Variants in CPEB3 observed in about 807,000 individuals in gnomAD.
CPEB3 encodes cytoplasmic polyadenylation element binding protein 3.
CPEB3 carries 20 observed loss-of-function variants against 67.2 expected under a neutral mutation model. The ratio of observed to expected loss-of-function variants is 0.30; its 90% CI spans 0.21 to 0.43. CPEB3 has a LOEUF of 0.43. Ranked by LOEUF, CPEB3 falls within the 20% of genes least tolerant of loss-of-function variation. The pLI, the probability that CPEB3 is intolerant of heterozygous loss-of-function variation, is 1.00. For synonymous variants in CPEB3, 376 were observed against 393.1 expected (o/e 0.96, Z 0.51); for missense variants, 746 against 968.6 (o/e 0.77, Z 3.05).
intron 1 of CPEB3, among the ~76,000 whole-genome samples, chr10:92,258,676 A>T (rs1235647870): frequency 2.7e-5 from 3 of 113,026 alleles, no homozygotes; most frequent in African/African-American, 6.7e-5. Flanking sequence ...ATATATATAT[A>T]TATTTCATGT....
intron 5 of CPEB3, among the ~76,000 whole-genome samples, chr10:92,143,904 G>A (rs1437739162): frequency 6.6e-6 from 1 of 152,120 alleles, no homozygotes; most frequent in African/African-American, 2.4e-5. Context: ...ACCACTTTTT[G>A]AGACTTTTCT....
chr10:92,278,278 G>A (rs1564928553), intron 1 of CPEB3, among the ~76,000 whole-genome samples: 1 of 152,116 alleles, frequency 6.6e-6, no homozygotes, highest in Non-Finnish European at 1.5e-5. Context: ...AAAGAAGTCA[G>A]ATGGAATTTT....
chr10:92,078,009 G>A (rs1843001880), intron 9 of CPEB3, among the ~76,000 whole-genome samples: 1 of 152,160 alleles, frequency 6.6e-6, no homozygotes, highest in African/African-American at 2.4e-5. Flanking sequence ...AATATCACAT[G>A]GAAGTAGCAT....
chr10:92,059,309 A>G (rs1284696744), intron 9 of CPEB3, among the ~76,000 whole-genome samples: 1 of 84,402 alleles, frequency 1.2e-5, no homozygotes, highest in Non-Finnish European at 2.5e-5. Flanking sequence ...CCTGGGTGAC[A>G]AAAGTGAAAC....
At chr10:92,101,866 C>G (rs373401631) in intron 7 of CPEB3, among the ~76,000 whole-genome samples, 3 of 152,138 alleles carry the variant, frequency 2.0e-5, no homozygotes. Context: ...CGAGATTATG[C>G]CACTGCATTC....
chr10:92,091,473 A>G (rs1429515451), intron 8 of CPEB3, among the ~76,000 whole-genome samples: 2 of 152,078 alleles, frequency 1.3e-5, no homozygotes, highest in Non-Finnish European at 2.9e-5. Context: ...AAAAAAAAAA[A>G]CCAACAGGGA....
At chr10:92,197,952 C>T (rs1258809205) in intron 2 of CPEB3, among the ~76,000 whole-genome samples, 1 of 151,976 alleles carries the variant, frequency 6.6e-6, no homozygotes, top group Non-Finnish European at 1.5e-5. Flanking sequence ...ACTAAAACTA[C>T]AAAAATTAGC....
intron 7 of CPEB3, among the ~76,000 whole-genome samples, chr10:92,102,495 C>T (rs551364696): frequency 9.2e-5 from 14 of 152,300 alleles, no homozygotes; most frequent in African/African-American, 3.4e-4. Flanking sequence ...CTCCTGCCCC[C>T]ATCACCAGGC....
At chr10:92,091,462 T>G (rs1292994282) in intron 8 of CPEB3, among the ~76,000 whole-genome samples, 1 of 145,498 alleles carries the variant, frequency 6.9e-6, no homozygotes, top group East Asian at 2.0e-4. Flanking sequence ...GAAAGGAACT[T>G]AAAAAAAAAA....
chr10:92,077,826 G>A lies in CPEB3; in HGVS notation c.1869+3494C>T, dbSNP rs557258459. On this transcript the variant is annotated intron_variant, in intron 9 of 9. Coordinates refer to ENST00000265997, the MANE Select transcript of CPEB3 (RefSeq NM_014912.5). The stretch of plus-strand genomic sequence containing the variant: ...GAAAATGGGAGGAGAGGGGAGGGGA[G>A]TGAAGGGGAGGGGAAAAGATCTCCA... Among the ~76,000 whole-genome samples, 255 of 149,174 alleles carry A rather than the reference G, an allele frequency of 1.7e-3. 1 individual carries two copies. Among genetic ancestry groups the A allele is most frequent in the Admixed American group, 2.8e-3 (42 of 14,786 alleles).
intron 4 of CPEB3, among the ~76,000 whole-genome samples, chr10:92,164,539 T>A (rs1189264287): frequency 1.3e-5 from 2 of 152,218 alleles, no homozygotes; most frequent in African/African-American, 4.8e-5. Flanking sequence ...TTCTATGATT[T>A]CATATTAATG....
rs551235742 is a variant in CPEB3 at position 92,101,669 on chromosome 10, G to C, written c.1572+9407C>G. On this transcript the variant is annotated intron_variant, in intron 7 of 9. Transcript: ENST00000265997. Reference sequence around the variant, plus strand: ...CACCTGTAATCCCAGCACTTTGGGAGGCCAAGGCAGGCAGATCACTTGAGG... The same window carrying C: ...CACCTGTAATCCCAGCACTTTGGGACGCCAAGGCAGGCAGATCACTTGAGG... Among the ~76,000 whole-genome samples, 3 of 152,258 alleles carry C rather than the reference G, an allele frequency of 2.0e-5. No individual in the cohort carries two copies. The South Asian group carries it at 6.2e-4, about 32-fold the overall frequency.
chr10:92,093,669 A>T (rs535951938), intron 7 of CPEB3, among the ~76,000 whole-genome samples: 1 of 151,768 alleles, frequency 6.6e-6, no homozygotes, highest in Non-Finnish European at 1.5e-5. Context: ...TGCCCGGTTA[A>T]TTTTTGTATT....
chr10:92,286,536 G>C (rs1387599588), intron 1 of CPEB3, among the ~76,000 whole-genome samples: 1 of 148,930 alleles, frequency 6.7e-6, no homozygotes, highest in African/African-American at 2.5e-5. Context: ...AGTGAGCTGA[G>C]ATGGCACCAC....
chr10:92,098,461 C>A (rs1844001851), intron 7 of CPEB3, among the ~76,000 whole-genome samples: 1 of 151,844 alleles, frequency 6.6e-6, no homozygotes, highest in Non-Finnish European at 1.5e-5. Flanking sequence ...AGGCATGCAC[C>A]ACCACGCCTG....
intron 1 of CPEB3, among the ~76,000 whole-genome samples, chr10:92,282,911 A>C (rs1842358475): frequency 6.6e-6 from 1 of 152,170 alleles, no homozygotes; most frequent in South Asian, 2.1e-4. Flanking sequence ...GCCGAGGCTT[A>C]ACTTATTTCT....
intron 2 of CPEB3, among the ~76,000 whole-genome samples, chr10:92,225,764 T>C (rs1850940111): frequency 6.6e-6 from 1 of 152,062 alleles, no homozygotes; most frequent in South Asian, 2.1e-4. Flanking sequence ...TAACAGAAAA[T>C]ATACCAAAAC....
At chr10:92,188,320 TAAAAAAAAAAAA>T (rs756970118) in intron 3 of CPEB3, among the ~76,000 whole-genome samples, 1 of 36,978 alleles carries the variant, frequency 2.7e-5, no homozygotes, top group African/African-American at 1.2e-4. Context: ...TAAGACATAG[TAAAAAAAAAAAA>T]AAAAAAAAAA....
intron 1 of CPEB3, among the ~76,000 whole-genome samples, chr10:92,241,333 T>TA (rs997410684): frequency 8.6e-5 from 13 of 151,328 alleles, no homozygotes; most frequent in East Asian, 1.9e-4. Context: ...GGTGGGGCTT[T>TA]AAAAAAAACC....
Sources: gnomAD v4.1 joint callset for allele counts (sites outside exome capture counted in the v4.1 genomes callset) on GRCh38, gnomAD v4.1.1 for gene constraint, MANE v1.5 for transcripts, NCBI Gene and HGNC (gene_info 2026-07-23, HGNC 2026-07-21) for gene names.